LNX1: variants seen among roughly 807,000 people sequenced by gnomAD.
The protein encoded by LNX1 is ligand of numb-protein X 1, also known as E3 ubiquitin-protein ligase LNX.
LNX1 carries 54 observed loss-of-function variants against 68.4 expected under a neutral mutation model. That is an observed-to-expected ratio of 0.79 (90% confidence interval 0.63 to 0.99). The LOEUF (loss-of-function observed/expected upper bound fraction) is 0.99, where lower values mean the gene tolerates loss of function less well. Ranked by LOEUF, LNX1 falls within the 50% of genes least tolerant of loss-of-function variation. The pLI is 0.00. For synonymous variants in LNX1, 336 were observed against 350.0 expected (o/e 0.96, Z 0.45); for missense variants, 906 against 926.4 (o/e 0.98, Z 0.29).
intron 1 of LNX1, among the ~76,000 whole-genome samples, chr4:53,582,826 T>A (rs1162824637): frequency 6.6e-6 from 1 of 151,918 alleles, no homozygotes; most frequent in Non-Finnish European, 1.5e-5. Flanking sequence ...AGTGCAAAAA[T>A]CACCATCACA....
rs549054043 is a variant in LNX1 at position 53,611,767 on chromosome 4, A to T, written c.-215+4750T>A. 2.2e-4 allele frequency among the ~76,000 whole-genome samples: 33 copies of T among 152,290 alleles called. 1 individual carries two copies. Among genetic ancestry groups the T allele is most frequent in the African/African-American group, 7.5e-4 (31 of 41,570 alleles). ...ACAAATATATGAATGAAAAATATAAAAGGTAAAGTAAACCAAAGCTCTTAC... is the reference window on the plus strand; with the variant it reads ...ACAAATATATGAATGAAAAATATAATAGGTAAAGTAAACCAAAGCTCTTAC... On this transcript the variant is annotated intron_variant, in intron 2 of 3. Transcript: ENST00000504299.
chr4:53,491,438 T>C (rs1292761780), intron 6 of LNX1, among the ~76,000 whole-genome samples: 6 of 152,292 alleles, frequency 3.9e-5, no homozygotes, highest in African/African-American at 1.4e-4. Flanking sequence ...TCTTTTGAGA[T>C]AAAAGGCAGG....
At chr4:53,513,701 A>G (rs1579445997) in intron 2 of LNX1, among the ~76,000 whole-genome samples, 1 of 152,332 alleles carries the variant, frequency 6.6e-6, no homozygotes, top group South Asian at 2.1e-4. Context: ...CATCATGGCT[A>G]CTGCCACCAT....
At chr4:53,595,410 T>A (rs1042782946), upstream of LNX1, among the ~76,000 whole-genome samples, 2 of 152,226 alleles carry the variant, frequency 1.3e-5, no homozygotes, top group African/African-American at 2.4e-5. Flanking sequence ...TTTCTCATGA[T>A]GATTAAACAG....
At chr4:53,642,577 G>T (rs559963691) in intron 1 of LNX1, among the ~76,000 whole-genome samples, 4 of 152,130 alleles carry the variant, frequency 2.6e-5, no homozygotes, top group Non-Finnish European at 4.4e-5. Flanking sequence ...TATGCTTGGG[G>T]TCAAATCAAT....
intron 6 of LNX1, among the ~76,000 whole-genome samples, chr4:53,482,220 C>A (rs1206159990): frequency 6.6e-6 from 1 of 152,172 alleles, no homozygotes; most frequent in Non-Finnish European, 1.5e-5. Flanking sequence ...TGTAAAGTAG[C>A]AGCCCAAAGC....
chr4:53,529,911 A>G (rs965660777), intron 2 of LNX1, among the ~76,000 whole-genome samples: 14 of 151,930 alleles, frequency 9.2e-5, no homozygotes. Context: ...TACAGAGAAC[A>G]CATTAACATG....
intron 9 of LNX1, among the ~76,000 whole-genome samples, chr4:53,472,352 G>A (rs1723256200): frequency 6.6e-6 from 1 of 152,076 alleles, no homozygotes; most frequent in African/African-American, 2.4e-5. Flanking sequence ...TTGGGGGATG[G>A]GGGAGGGATA....
chr4:53,501,958 T>C (rs912312799), intron 4 of LNX1: 2 of 152,160 alleles, frequency 1.3e-5, no homozygotes, highest in South Asian at 2.1e-4. Flanking sequence ...CTGCAACAAC[T>C]CTATACAAGA....
chr4:53,568,217 C>G (rs1341383656), intron 2 of LNX1, among the ~76,000 whole-genome samples: 2 of 151,860 alleles, frequency 1.3e-5, no homozygotes, highest in East Asian at 3.8e-4. Context: ...AGACCAATAT[C>G]CTTGATGAAC....
At chr4:53,520,974 A>C (rs1348113701) in intron 2 of LNX1, among the ~76,000 whole-genome samples, 1 of 152,224 alleles carries the variant, frequency 6.6e-6, no homozygotes, top group African/African-American at 2.4e-5. Context: ...ACAAACAAAA[A>C]AACCCCAAAT....
chr4:53,596,509 A>G (rs1041830842), intron 2 of LNX1, among the ~76,000 whole-genome samples: 4 of 152,226 alleles, frequency 2.6e-5, no homozygotes, highest in African/African-American at 9.6e-5. Context: ...CACGAGACCT[A>G]TATCTTATGA....
chr4:53,601,113 GGGAA>G (rs1732996591), intron 2 of LNX1, among the ~76,000 whole-genome samples: 3 of 142,516 alleles, frequency 2.1e-5, no homozygotes, highest in African/African-American at 5.2e-5. Context: ...GAGGGGGGGA[GGGAA>G]GGAAAATATC....
At chr4:53,469,973 C>CCTCCCTAA (rs1449688458) in intron 9 of LNX1, among the ~76,000 whole-genome samples, 1 of 152,206 alleles carries the variant, frequency 6.6e-6, no homozygotes, top group Admixed American at 6.5e-5. Flanking sequence ...AAGAGGGAAT[C>CCTCCCTAA]CTCCCTAACT....
intron 4 of LNX1, among the ~76,000 whole-genome samples, chr4:53,503,839 T>C (rs892093315): frequency 9.9e-5 from 15 of 152,276 alleles, no homozygotes; most frequent in African/African-American, 2.2e-4. Flanking sequence ...ATCATCTACA[T>C]TGAAAATCTG....
At chr4:53,637,466 ATAATAATTCCT>A (rs1310820997) in intron 1 of LNX1, among the ~76,000 whole-genome samples, 3 of 152,200 alleles carry the variant, frequency 2.0e-5, no homozygotes, top group Non-Finnish European at 4.4e-5. Context: ...TACAGTCATG[ATAATAATTCCT>A]TAATTCCAAA....
chr4:53,565,431 G>A (rs1407271573), intron 2 of LNX1, among the ~76,000 whole-genome samples: 3 of 151,356 alleles, frequency 2.0e-5, no homozygotes, highest in Non-Finnish European at 3.0e-5. Context: ...ACCTGCAGCT[G>A]AGGGTCCTGT....
chr4:53,535,172 T>C (rs1047504824), intron 2 of LNX1, among the ~76,000 whole-genome samples: 1 of 152,190 alleles, frequency 6.6e-6, no homozygotes, highest in African/African-American at 2.4e-5. Context: ...GTAATCAAAG[T>C]CGTATGAGAC....
At chr4:53,598,349 C>T (rs1326895818) in intron 2 of LNX1, among the ~76,000 whole-genome samples, 1 of 151,882 alleles carries the variant, frequency 6.6e-6, no homozygotes, top group Non-Finnish European at 1.5e-5. Context: ...TTCTCCACCT[C>T]AGCCTCCCAA....
Sources: gnomAD v4.1 joint callset for allele counts (sites outside exome capture counted in the v4.1 genomes callset) on GRCh38, gnomAD v4.1.1 for gene constraint, MANE v1.5 for transcripts, NCBI Gene and HGNC (gene_info 2026-07-23, HGNC 2026-07-21) for gene names.